Variants in ARHGAP15 observed in about 807,000 individuals in gnomAD.
The protein encoded by ARHGAP15 is Rho GTPase activating protein 15.
ARHGAP15 carries 51 observed loss-of-function variants against 63.7 expected under a neutral mutation model. The ratio of observed to expected loss-of-function variants is 0.80; its 90% confidence interval spans 0.64 to 1.01. The LOEUF is 1.01. Ranked by LOEUF, ARHGAP15 falls within the 50% of genes least tolerant of loss-of-function variation. The probability of loss-of-function intolerance (pLI) is 0.00; values close to 1 mark genes in which losing one functional copy is unlikely to be tolerated. For missense variants in ARHGAP15, 560 were observed against 564.6 expected (o/e 0.99, Z 0.08); for synonymous variants, 191 against 193.8 (o/e 0.99, Z 0.12).
At chr2:143,252,502 T>C (rs1361448590) in intron 6 of ARHGAP15, among the ~76,000 whole-genome samples, 3 of 152,062 alleles carry the variant, frequency 2.0e-5, no homozygotes, top group East Asian at 1.9e-4. Flanking sequence ...AATTGAACAG[T>C]TCATGGGGCC....
Position 143,536,215 on chromosome 2 carries a change from T to C in ARHGAP15, c.925+16851T>C, listed in dbSNP as rs183204706. On this transcript the variant is annotated intron_variant, in intron 10 of 13. Transcript: ENST00000295095. ...CTCATTCCTACCGTCCGCCTAATCA[T>C]ACCAGCCTCTAGTAGCCACCATTCC... Among the ~76,000 whole-genome samples, 24 of 152,310 alleles carry C rather than the reference T, an allele frequency of 1.6e-4. No individual in the cohort carries two copies. In the East Asian group the frequency reaches 3.1e-3, roughly 20 times the overall value.
intron 12 of ARHGAP15, among the ~76,000 whole-genome samples, chr2:143,679,664 T>C (rs150395128): frequency 3.7e-4 from 26 of 69,442 alleles, no homozygotes; most frequent in African/African-American, 1.0e-3. Context: ...CGTGTGTGTG[T>C]GTGTGTGTGT....
intron 6 of ARHGAP15, among the ~76,000 whole-genome samples, chr2:143,268,006 C>T (rs1204034090): frequency 6.6e-6 from 1 of 152,056 alleles, no homozygotes; most frequent in Non-Finnish European, 1.5e-5. Context: ...AAAAAACCAT[C>T]TGTATTTTCA....
intron 13 of ARHGAP15, among the ~76,000 whole-genome samples, chr2:143,751,721 C>A (rs1686382367): frequency 1.3e-5 from 2 of 152,204 alleles, no homozygotes; most frequent in African/African-American, 4.8e-5. Context: ...CAAGCTCCTA[C>A]ATACCATGTC....
At chr2:143,135,676 C>T (rs1452140440) in intron 1 of ARHGAP15, among the ~76,000 whole-genome samples, 1 of 152,154 alleles carries the variant, frequency 6.6e-6, no homozygotes, top group Non-Finnish European at 1.5e-5. Flanking sequence ...ATCGAACCCT[C>T]CTTCCCTCTT....
Position 143,470,920 on chromosome 2 carries a change from GTA to G in ARHGAP15, c.704-16449_704-16448del, listed in dbSNP as rs758058854. On this transcript the variant is annotated intron_variant, in intron 8 of 13. Transcript: ENST00000295095. Reference sequence around the variant, plus strand: ...TGTGTGTATATATATACACGTATGTGTATATGTGTATATATGTGTGTATATAC... The same window carrying G: ...TGTGTGTATATATATACACGTATGTGTATGTGTATATATGTGTGTATATAC... Among the ~76,000 whole-genome samples the G allele has an allele frequency of 6.1e-5, 9 of 147,688 alleles. No individual in the cohort carries two copies. The East Asian group carries it at 8.5e-4, about 14-fold the overall frequency.
At chr2:143,558,461 CTATTA>C (rs1242438013) in intron 11 of ARHGAP15, among the ~76,000 whole-genome samples, 1 of 152,118 alleles carries the variant, frequency 6.6e-6, no homozygotes, top group Non-Finnish European at 1.5e-5. Flanking sequence ...AAAATTCCAT[CTATTA>C]TAAGACCCAT....
chr2:143,178,967 T>C (rs1403643216), intron 2 of ARHGAP15, among the ~76,000 whole-genome samples: 1 of 152,236 alleles, frequency 6.6e-6, no homozygotes, highest in Non-Finnish European at 1.5e-5. Context: ...AAAGCAACAC[T>C]AAAATCCTAG....
At chr2:143,134,150 TCTAC>T (rs1379282148) in intron 1 of ARHGAP15, among the ~76,000 whole-genome samples, 8 of 26,998 alleles carry the variant, frequency 3.0e-4, no homozygotes, top group South Asian at 6.6e-4. Flanking sequence ...TATCTATCTA[TCTAC>T]CTATCTATCT....
intron 8 of ARHGAP15, 153 bp downstream of exon 8, chr2:143,437,195 A>G (rs1689651879): frequency 1.3e-6 from 1 of 787,200 alleles, no homozygotes; most frequent in South Asian, 1.9e-5. Flanking sequence ...ACTGGAGGGC[A>G]GTCTGGGCAC....
chr2:143,238,567 A>G (rs540525891), intron 5 of ARHGAP15, among the ~76,000 whole-genome samples: 1 of 152,308 alleles, frequency 6.6e-6, no homozygotes, highest in South Asian at 2.1e-4. Flanking sequence ...GGTTGCAGAG[A>G]AAAAGGAACA....
chr2:143,296,870 G>A lies in ARHGAP15; in HGVS notation c.474+46270G>A, dbSNP rs151099359. Among the ~76,000 whole-genome samples the A allele has an allele frequency of 5.3e-3, 802 of 151,828 alleles. 1 individual carries two copies. Among genetic ancestry groups the A allele is most frequent in the Non-Finnish European group, 7.7e-3 (526 of 67,896 alleles). ...GTCTGCTGTTTCCTTCTTTGTGTTC[G>A]TAAGTTCTTATCATTTAGCTCCCAC... On this transcript the variant is annotated intron_variant, in intron 6 of 13. Coordinates refer to ENST00000295095, the MANE Select transcript of ARHGAP15 (RefSeq NM_018460.4).
chr2:143,589,573 G>A (rs1410744821), intron 11 of ARHGAP15, among the ~76,000 whole-genome samples: 1 of 152,120 alleles, frequency 6.6e-6, no homozygotes, highest in East Asian at 1.9e-4. Context: ...TAGGGTTGAT[G>A]GACTCTAAAG....
Position 143,232,193 on chromosome 2 carries a change from G to A in ARHGAP15, c.384+3525G>A, listed in dbSNP as rs1461870738. On this transcript the variant is annotated intron_variant, in intron 5 of 13. Coordinates refer to ENST00000295095, the MANE Select transcript of ARHGAP15 (RefSeq NM_018460.4). ...TATTCTGTTCTTGTTTTATGAAAAGGACATTAAATCGTAACTGACCACCTA... is the reference window on the plus strand; with the variant it reads ...TATTCTGTTCTTGTTTTATGAAAAGAACATTAAATCGTAACTGACCACCTA... Among the ~76,000 whole-genome samples the A allele has an allele frequency of 3.9e-5, 6 of 152,258 alleles. No individual in the cohort carries two copies. The East Asian group carries it at 1.2e-3, about 29-fold the overall frequency.
At chr2:143,252,182 T>C (rs1275623347) in intron 6 of ARHGAP15, among the ~76,000 whole-genome samples, 1 of 152,070 alleles carries the variant, frequency 6.6e-6, no homozygotes, top group African/African-American at 2.4e-5. Context: ...AAGAGTTAAA[T>C]TAGTTCACAA....
intron 6 of ARHGAP15, among the ~76,000 whole-genome samples, chr2:143,432,617 G>T (rs945941733): frequency 6.6e-6 from 1 of 152,008 alleles, no homozygotes; most frequent in African/African-American, 2.4e-5. Flanking sequence ...TGCCCACTCT[G>T]CATGTTGCTC....
chr2:143,203,775 G>C (rs7598904), intron 3 of ARHGAP15, among the ~76,000 whole-genome samples: 26,001 of 151,470 alleles, frequency 0.17, 2,431 homozygotes, highest in Middle Eastern at 0.25. Context: ...TATTTTTTCT[G>C]TCTGTAGGAA....
chr2:143,569,397 T>G (rs982391006), intron 11 of ARHGAP15, among the ~76,000 whole-genome samples: 1 of 152,118 alleles, frequency 6.6e-6, no homozygotes, highest in Non-Finnish European at 1.5e-5. Flanking sequence ...GAAGAACAGA[T>G]GGAGACGGGT....
chr2:143,558,671 G>A (rs1056272167), intron 11 of ARHGAP15, among the ~76,000 whole-genome samples: 4 of 152,144 alleles, frequency 2.6e-5, no homozygotes, highest in Non-Finnish European at 4.4e-5. Flanking sequence ...TCTAGCCTTG[G>A]TGTTTCCATA....
Sources: gnomAD v4.1 joint callset for allele counts (sites outside exome capture counted in the v4.1 genomes callset) on GRCh38, gnomAD v4.1.1 for gene constraint, MANE v1.5 for transcripts, NCBI Gene and HGNC (gene_info 2026-07-23, HGNC 2026-07-21) for gene names.